Variants in DHX29 observed in about 807,000 individuals in gnomAD.
DHX29 encodes DExH-box helicase 29.
DHX29 carries 79 observed loss-of-function variants against 167.9 expected under a neutral mutation model. That is an observed-to-expected ratio of 0.47 (90% CI 0.39 to 0.57). The LOEUF (loss-of-function observed/expected upper bound fraction) is 0.57. Among genes scored for constraint, DHX29 ranks in the 20% least tolerant of loss-of-function variants. The pLI, the probability that DHX29 is intolerant of heterozygous loss-of-function variation, is 0.00. For missense variants in DHX29, 1,347 were observed against 1,593.4 expected, an observed-to-expected ratio of 0.85 and a Z score of 2.63; for synonymous variants, 530 against 546.0, an observed-to-expected ratio of 0.97 and a Z score of 0.41.
intron 6 of DHX29, 112 bp from the exon 7 acceptor site, chr5:55,290,456 T>C: frequency 7.9e-7 from 1 of 1,271,074 alleles, no homozygotes. Context: ...TATCCTTTGA[T>C]CCAGCAAATC....
At chr5:55,304,245 G>C (rs1019957667) in intron 1 of DHX29, among the ~76,000 whole-genome samples, 3 of 151,538 alleles carry the variant, frequency 2.0e-5, no homozygotes, top group African/African-American at 4.9e-5. Context: ...CTCTCCCCAG[G>C]AGACTCTTTA....
chr5:55,295,466 A>G lies in DHX29; in HGVS notation c.564T>C (p.Pro188=). 6.2e-7 allele frequency: 1 copy of G among 1,613,962 alleles called. No homozygotes were observed. Among genetic ancestry groups the G allele is most frequent in the Non-Finnish European group, 8.5e-7 (1 of 1,179,884 alleles). The change falls in exon 5 of 27, where the codon CCT becomes CCC. Residue 188 remains proline, a synonymous_variant. Coordinates refer to ENST00000251636, the MANE Select transcript of DHX29 (RefSeq NM_019030.4). ...EFEEQQPKSR[P]KFQSPQIQAT... Reference sequence around the variant, plus strand: ...CTTGTATTTGAGGAGACTGAAATTTAGGCCTACTTTTAGGTTGCTGCTCTT... The same window carrying G: ...CTTGTATTTGAGGAGACTGAAATTTGGGCCTACTTTTAGGTTGCTGCTCTT...
At position 55,283,431 on chromosome 5, in the gene DHX29, G is replaced by T. The variant is rs1231732389; in HGVS notation, c.1737C>A (p.Asp579Glu). The stretch of plus-strand genomic sequence containing the variant: ...GCCTTTTAAGAGTTTCAACAATTGA[G>T]TCCCGATGTTTAAATACAGGTAGCT... Reference protein sequence around the residue: ...RQQLPVFKHRDSIVETLKRHR... With the variant: ...RQQLPVFKHRESIVETLKRHR... The change falls in exon 11 of 27, where the codon GAC becomes GAA. Residue 579 changes from aspartate (D) to glutamate (E), a missense_variant. This residue lies in a region of DHX29 where 882 missense variants were observed against 1,082.4 expected (regional missense o/e 0.81). Transcript: ENST00000251636. 6.2e-7 allele frequency: 1 copy of T among 1,614,196 alleles called. No homozygotes were observed. The highest frequency in any genetic ancestry group is 1.3e-5 in the African/African-American group (1 of 75,054).
In DHX29 at chr5:55,259,824, T is replaced by C. The variant is rs368774356; in HGVS notation, c.4057+24A>G. 17 of 1,374,096 alleles carry C rather than the reference T, an allele frequency of 1.2e-5. No individual in the cohort carries two copies. The African/African-American group carries it at 2.4e-4, about 20-fold the overall frequency. 85.1% of individuals were successfully genotyped at this position (1,374,096 alleles called of 1,614,324 possible). A position where few individuals can be genotyped will look rare whatever the true frequency, so the allele number is the denominator to read the frequency against. The stretch of plus-strand genomic sequence containing the variant: ...CACATACACATATGTGTATATGGTC[T>C]TTCACTTATAAGCAAACACTTACTT... On this transcript the variant is annotated intron_variant, in intron 26 of 26. Transcript: ENST00000251636.
chr5:55,304,338 G>A lies in DHX29; in HGVS notation c.187+3049C>T, dbSNP rs370001661. On this transcript the variant is annotated intron_variant, in intron 1 of 26. Transcript: ENST00000251636. ...TTTTTTTTTTTTTTTTTTTGAGACC[G>A]AGTCTTGCTGTCACCCAGGCTGGAG... 3.5e-3 allele frequency among the ~76,000 whole-genome samples: 439 copies of A among 127,100 alleles called. 1 individual carries two copies. Among genetic ancestry groups the A allele is most frequent in the African/African-American group, 0.013 (412 of 31,878 alleles). 83.4% of individuals were successfully genotyped at this position (127,100 alleles called of 152,430 possible).
intron 25 of DHX29, among the ~76,000 whole-genome samples, chr5:55,260,864 A>C (rs927362209): frequency 6.6e-6 from 1 of 152,276 alleles, no homozygotes; most frequent in Non-Finnish European, 1.5e-5. Context: ...AGAATTCAAC[A>C]GTATGAATTA....
chr5:55,305,318 C>A (rs1748805633), intron 1 of DHX29, among the ~76,000 whole-genome samples: 2 of 152,136 alleles, frequency 1.3e-5, no homozygotes, highest in Non-Finnish European at 2.9e-5. Context: ...ATGTTAGGGA[C>A]AGATTGCACT....
At chr5:55,277,045 AG>A in intron 13 of DHX29, 60 bp downstream of exon 13, 1 of 1,292,380 alleles carries the variant, frequency 7.7e-7, no homozygotes, top group Non-Finnish European at 1.1e-6. Context: ...CCCATCTTCT[AG>A]GGAAAGAACC....
intron 5 of DHX29, among the ~76,000 whole-genome samples, chr5:55,294,683 AAAC>A (rs978764851): frequency 6.6e-5 from 10 of 152,214 alleles, no homozygotes; most frequent in African/African-American, 2.4e-4. Flanking sequence ...TGTCTCAAAA[AAAC>A]AACAACAAAA....
chr5:55,278,848 G>T (rs557104561), intron 12 of DHX29, among the ~76,000 whole-genome samples: 1 of 152,328 alleles, frequency 6.6e-6, no homozygotes, highest in Non-Finnish European at 1.5e-5. Context: ...CAAAAACAAT[G>T]ACTTGAGCAT....
At position 55,276,222 on chromosome 5, in the gene DHX29, C is replaced by T. The variant is rs1326343671; in HGVS notation, c.2427+44G>A. ...TGAAACTCTTGTGGCAGGTTAGGCC[C>T]TGGATATCATTATCTGATATCTTTC... On this transcript the variant is annotated intron_variant, in intron 14 of 26. Transcript: ENST00000251636. The T allele has an allele frequency of 3.4e-6, 5 of 1,480,294 alleles. No homozygotes were observed. In the East Asian group the frequency reaches 7.2e-5, roughly 21 times the overall value. 91.7% of individuals were successfully genotyped at this position (1,480,294 alleles called of 1,614,324 possible). A position where few individuals can be genotyped will look rare whatever the true frequency, so the allele number is the denominator to read the frequency against.
Position 55,267,359 on chromosome 5 carries a change from G to A in DHX29, c.3432-128C>T, listed in dbSNP as rs1746631290. On this transcript the variant is annotated intron_variant, in intron 22 of 26. Transcript: ENST00000251636. ...TTTTAAAAGGGGAGGGATCTTGCTTGTAGCAGCTACCAATTGTATATAAGA... is the reference window on the plus strand; with the variant it reads ...TTTTAAAAGGGGAGGGATCTTGCTTATAGCAGCTACCAATTGTATATAAGA... 5 of 676,018 alleles carry A rather than the reference G, an allele frequency of 7.4e-6. No individual in the cohort carries two copies. In the East Asian group the frequency reaches 1.1e-4, roughly 15 times the overall value. The allele number at this position is 676,018 out of a possible 1,614,324, so 41.9% of individuals were successfully genotyped here.
rs541677550 is a variant in DHX29 at position 55,272,933 on chromosome 5, T to C, written c.2775+360A>G. Among the ~76,000 whole-genome samples the C allele has an allele frequency of 2.0e-5, 3 of 152,278 alleles. No homozygotes were observed. In the East Asian group the frequency reaches 5.8e-4, roughly 29 times the overall value. On this transcript the variant is annotated intron_variant, in intron 17 of 26. Transcript: ENST00000251636. ...GTACAATAAAAATCATCAGAGAAGA[T>C]CTGCCTAGAGAACAACAAGAATACT...
chr5:55,282,026 T>TC (rs1174981478), intron 11 of DHX29, among the ~76,000 whole-genome samples: 3 of 152,040 alleles, frequency 2.0e-5, no homozygotes, highest in African/African-American at 4.8e-5. Flanking sequence ...CCTCAGGTGA[T>TC]CCCCCCGCCT....
intron 1 of DHX29, among the ~76,000 whole-genome samples, chr5:55,304,247 G>A (rs1247663284): frequency 1.3e-5 from 2 of 151,016 alleles, no homozygotes; most frequent in Non-Finnish European, 2.9e-5. Flanking sequence ...CTCCCCAGGA[G>A]ACTCTTTACC....
At chr5:55,277,976 A>T (rs1747209067) in intron 12 of DHX29, among the ~76,000 whole-genome samples, 1 of 152,028 alleles carries the variant, frequency 6.6e-6, no homozygotes, top group Non-Finnish European at 1.5e-5. Flanking sequence ...GTGACTCCTA[A>T]ATCTCTGCCA....
At chr5:55,271,643 G>T (rs80189734) in intron 18 of DHX29, among the ~76,000 whole-genome samples, 7 of 152,050 alleles carry the variant, frequency 4.6e-5, no homozygotes, top group African/African-American at 1.2e-4. Context: ...TAAAATAAAA[G>T]AAATTTTCAT....
intron 7 of DHX29, 55 bp from the exon 8 acceptor site, chr5:55,289,483 TTTTA>T: frequency 7.3e-7 from 1 of 1,368,556 alleles, no homozygotes; most frequent in Non-Finnish European, 9.6e-7. Context: ...AATTGTTATT[TTTTA>T]TTTATTTACT....
At chr5:55,306,969 A>G (rs1748899742) in intron 1 of DHX29, among the ~76,000 whole-genome samples, 1 of 152,174 alleles carries the variant, frequency 6.6e-6, no homozygotes, top group Admixed American at 6.5e-5. Flanking sequence ...TGGAGACACT[A>G]GATTGTTGCT....
Sources: allele counts gnomAD v4.1 joint callset (sites outside exome capture counted in the v4.1 genomes callset), GRCh38; gene constraint gnomAD v4.1.1; regional missense constraint gnomAD v4.1.1; transcripts MANE v1.5; gene names NCBI Gene and HGNC (gene_info 2026-07-23, HGNC 2026-07-21).